The following SORCS1 variants were observed in gnomAD, a reference collection of about 807,000 sequenced individuals.
SORCS1 encodes VPS10 domain-containing receptor SorCS1.
Under a neutral mutation model 146.1 loss-of-function variants are expected in SORCS1, and 60 were observed. The ratio of observed to expected loss-of-function variants is 0.41; its 90% confidence interval spans 0.33 to 0.51. The LOEUF (loss-of-function observed/expected upper bound fraction) is 0.51, where lower values mean the gene tolerates loss of function less well. Ranked by LOEUF, SORCS1 falls within the 20% of genes least tolerant of loss-of-function variation. The probability of loss-of-function intolerance (pLI) is 0.21; values close to 1 mark genes in which losing one functional copy is unlikely to be tolerated. For synonymous variants in SORCS1, 637 were observed against 584.0 expected (o/e 1.09, Z -1.31); for missense variants, 1,352 against 1,487.6 (o/e 0.91, Z 1.50).
intron 3 of SORCS1, among the ~76,000 whole-genome samples, chr10:106,827,881 C>T (rs1948368855): frequency 6.6e-6 from 1 of 152,310 alleles, no homozygotes; most frequent in African/African-American, 2.4e-5. Context: ...AATCCAATTA[C>T]TCAGTAACAC....
chr10:106,716,702 A>G (rs1433209149), intron 6 of SORCS1, among the ~76,000 whole-genome samples: 3 of 152,184 alleles, frequency 2.0e-5, no homozygotes, highest in Non-Finnish European at 4.4e-5. Flanking sequence ...CCTGGGGCTT[A>G]GACAAACCTT....
At chr10:107,058,878 T>C (rs1960898018) in intron 1 of SORCS1, among the ~76,000 whole-genome samples, 1 of 152,208 alleles carries the variant, frequency 6.6e-6, no homozygotes. Flanking sequence ...GCATTTCAAA[T>C]CTTACTCTGT....
In SORCS1 at chr10:106,833,432, T is replaced by G. The variant is rs547813766; in HGVS notation, c.627-3759A>C. Among the ~76,000 whole-genome samples the G allele has an allele frequency of 3.9e-5, 6 of 152,298 alleles. No homozygotes were observed. In the South Asian group the frequency reaches 1.2e-3, roughly 32 times the overall value. On this transcript the variant is annotated intron_variant, in intron 2 of 25. Transcript: ENST00000263054. Reference sequence around the variant, plus strand: ...ATAGAGTGTTGACAAGTTTCATCGGTAGAACCAACAATCAGCCGGCGTACA... The same window carrying G: ...ATAGAGTGTTGACAAGTTTCATCGGGAGAACCAACAATCAGCCGGCGTACA...
intron 2 of SORCS1, among the ~76,000 whole-genome samples, chr10:106,840,390 G>GAGC: frequency 6.6e-6 from 1 of 152,286 alleles, no homozygotes; most frequent in East Asian, 1.9e-4. Context: ...ATTAGAAGTG[G>GAGC]AGCTTGAAGA....
chr10:107,043,512 C>G (rs1009539035), intron 1 of SORCS1, among the ~76,000 whole-genome samples: 1 of 152,158 alleles, frequency 6.6e-6, no homozygotes, highest in Non-Finnish European at 1.5e-5. Flanking sequence ...CAAAGCAATA[C>G]AGTTTTTCTG....
intron 2 of SORCS1, among the ~76,000 whole-genome samples, chr10:106,943,735 G>A (rs542900354): frequency 4.6e-5 from 7 of 152,072 alleles, no homozygotes; most frequent in East Asian, 3.9e-4. Flanking sequence ...GCGTGAACCC[G>A]GGAGGCAGAG....
chr10:106,675,708 G>A (rs1285638667), intron 13 of SORCS1, among the ~76,000 whole-genome samples: 1 of 152,148 alleles, frequency 6.6e-6, no homozygotes, highest in East Asian at 1.9e-4. Flanking sequence ...TGCTCTAAAT[G>A]CTTGTGTCCT....
intron 3 of SORCS1, among the ~76,000 whole-genome samples, chr10:106,817,901 C>G (rs1275130979): frequency 6.6e-6 from 1 of 152,184 alleles, no homozygotes; most frequent in Non-Finnish European, 1.5e-5. Context: ...TCAGCTTAAG[C>G]CCTTTTATGC....
At chr10:106,834,913 C>A (rs933564420) in intron 2 of SORCS1, among the ~76,000 whole-genome samples, 62 of 152,206 alleles carry the variant, frequency 4.1e-4, no homozygotes, top group African/African-American at 1.4e-3. Flanking sequence ...ACAAAATAAG[C>A]ATTCCATGAA....
intron 4 of SORCS1, among the ~76,000 whole-genome samples, chr10:106,775,319 A>G (rs1050137895): frequency 2.0e-5 from 3 of 152,230 alleles, no homozygotes; most frequent in Non-Finnish European, 4.4e-5. Flanking sequence ...GCTTGACTCC[A>G]GAAACAAAAT....
rs183957107 is a variant in SORCS1 at position 106,773,863 on chromosome 10, C to T, written c.885+2671G>A. Among the ~76,000 whole-genome samples, 364 of 152,128 alleles carry T rather than the reference C, an allele frequency of 2.4e-3. 4 individuals are homozygous for T. The highest frequency in any genetic ancestry group is 8.3e-3 in the African/African-American group (344 of 41,510). On this transcript the variant is annotated intron_variant, in intron 4 of 25. Transcript: ENST00000263054. ...ACTTGGGAGGCTGAGGCAGGAGAAT[C>T]GCCTGAACCCTGGAGGCAGAGATTG...
At chr10:106,715,404 C>G (rs913684045) in intron 6 of SORCS1, among the ~76,000 whole-genome samples, 1 of 152,180 alleles carries the variant, frequency 6.6e-6, no homozygotes, top group African/African-American at 2.4e-5. Context: ...CCCATCCACC[C>G]AAAACCTGTG....
intron 4 of SORCS1, among the ~76,000 whole-genome samples, chr10:106,772,269 T>C (rs1235261940): frequency 6.6e-6 from 1 of 152,190 alleles, no homozygotes; most frequent in Non-Finnish European, 1.5e-5. Context: ...TCAGAGTTCC[T>C]GGTTCTCAGG....
chr10:107,056,991 T>G (rs959344689), intron 1 of SORCS1, among the ~76,000 whole-genome samples: 1 of 152,244 alleles, frequency 6.6e-6, no homozygotes, highest in Non-Finnish European at 1.5e-5. Context: ...ACGGAGACTT[T>G]CCTGATTGGC....
upstream of SORCS1, among the ~76,000 whole-genome samples, chr10:107,164,909 C>G (rs867063857): frequency 1.5e-4 from 23 of 148,466 alleles, no homozygotes; most frequent in African/African-American, 5.4e-4. This position sits in a 1 kb window ranked among gnomAD's most constrained non-coding sequence, Gnocchi z 6.8. Context: ...GGCGACCTCC[C>G]CTCGGCCTCG....
At chr10:106,606,994 T>C (rs1846644817) in intron 23 of SORCS1, among the ~76,000 whole-genome samples, 172 bp downstream of exon 23, 1 of 152,222 alleles carries the variant, frequency 6.6e-6, no homozygotes, top group South Asian at 2.1e-4. Context: ...GGGTATGTCT[T>C]TATTAGCAGT....
intron 1 of SORCS1, among the ~76,000 whole-genome samples, chr10:107,161,501 G>A (rs1252822278): frequency 6.6e-6 from 1 of 152,146 alleles, no homozygotes; most frequent in African/African-American, 2.4e-5. Context: ...GTATGAGGCT[G>A]TAAAGTCACA....
At chr10:106,716,064 T>C (rs1458105285) in intron 6 of SORCS1, among the ~76,000 whole-genome samples, 1 of 152,198 alleles carries the variant, frequency 6.6e-6, no homozygotes, top group African/African-American at 2.4e-5. Flanking sequence ...TCTTTCTTTT[T>C]ATATTCAATT....
At chr10:107,037,886 G>A (rs1360480148) in intron 1 of SORCS1, among the ~76,000 whole-genome samples, 1 of 152,180 alleles carries the variant, frequency 6.6e-6, no homozygotes, top group Non-Finnish European at 1.5e-5. Flanking sequence ...GAGTGTAGTG[G>A]TGCGATCTTG....
Sources: gnomAD v4.1 joint callset for allele counts (sites outside exome capture counted in the v4.1 genomes callset) on GRCh38, gnomAD v4.1.1 for gene constraint, Gnocchi (gnomAD v3.1) non-coding constraint, MANE v1.5 for transcripts, NCBI Gene and HGNC (gene_info 2026-07-23, HGNC 2026-07-21) for gene names.